Variants in SLC43A2 observed in about 807,000 individuals in gnomAD.
SLC43A2 encodes solute carrier family 43 member 2.
SLC43A2 carries 38 observed loss-of-function variants against 63.2 expected under a neutral mutation model. The observed-to-expected ratio is 0.60, with a 90% CI of 0.46 to 0.79. The LOEUF (loss-of-function observed/expected upper bound fraction) is 0.79. Ranked by LOEUF, SLC43A2 falls within the 30% of genes least tolerant of loss-of-function variation. SLC43A2 has a pLI of 0.00. For synonymous variants in SLC43A2, 322 were observed against 331.0 expected, an observed-to-expected ratio of 0.97 and a Z score of 0.30; for missense variants, 644 against 756.2, an observed-to-expected ratio of 0.85 and a Z score of 1.74.
Position 1,591,767 on chromosome 17 carries a change from G to A in SLC43A2, c.595-68C>T, listed in dbSNP as rs1344835427. 2.3e-5 allele frequency: 29 copies of A among 1,256,538 alleles called. No homozygotes were observed. In the East Asian group the frequency reaches 3.8e-4, roughly 17 times the overall value. The allele number at this position is 1,256,538 out of a possible 1,614,324, so 77.8% of individuals were successfully genotyped here. ...GAGTTAGCCCGGGGAGGCCAGAGCC[G>A]CAGCAGGCAGGGGCGTCTGGCCACC... On this transcript the variant is annotated intron_variant, in intron 6 of 13. Coordinates refer to ENST00000301335, the MANE Select transcript of SLC43A2 (RefSeq NM_152346.3).
intron 11 of SLC43A2, among the ~76,000 whole-genome samples, chr17:1,580,838 C>T (rs1020831576): frequency 1.7e-4 from 26 of 151,514 alleles, no homozygotes; most frequent in East Asian, 3.9e-4. Context: ...TGCAGTGAGC[C>T]GAGATTCTCC....
At chr17:1,595,373 T>C (rs1003860071) in intron 5 of SLC43A2, among the ~76,000 whole-genome samples, 33 of 148,380 alleles carry the variant, frequency 2.2e-4, no homozygotes, top group Admixed American at 7.2e-4. Context: ...AGCCTCCAAC[T>C]TGGCTCAAGT....
chr17:1,580,722 C>A (rs554388076), intron 11 of SLC43A2, among the ~76,000 whole-genome samples: 1 of 133,178 alleles, frequency 7.5e-6, no homozygotes, highest in South Asian at 2.4e-4. Context: ...CCACCAGGCC[C>A]GGCTAATTTT....
rs192526460 is a variant in SLC43A2 at position 1,581,013 on chromosome 17, G to A, written c.1350+2191C>T. Among the ~76,000 whole-genome samples, 640 of 152,178 alleles carry A rather than the reference G, an allele frequency of 4.2e-3. 5 individuals are homozygous for A. Among genetic ancestry groups the A allele is most frequent in the Non-Finnish European group, 4.7e-3 (317 of 67,988 alleles). On this transcript the variant is annotated intron_variant, in intron 11 of 13. Coordinates refer to ENST00000301335, the MANE Select transcript of SLC43A2 (RefSeq NM_152346.3). ...CCTGCCCAGGAAGGCTGCTGCTGGC[G>A]GACTCCGCCAACTCCGAGAGGCACT...
chr17:1,621,387 G>A (rs897216301), intron 2 of SLC43A2, among the ~76,000 whole-genome samples: 5 of 152,090 alleles, frequency 3.3e-5, no homozygotes, highest in African/African-American at 7.2e-5. Context: ...TCCAGGGTGC[G>A]GGCCCCTGGA....
chr17:1,587,071 GCACTGCATTTCCCA>G (rs1567617130), intron 9 of SLC43A2: 14 of 557,738 alleles, frequency 2.5e-5, no homozygotes, highest in South Asian at 2.5e-4. Context: ...TGCCCAGCAC[GCACTGCATTTCCCA>G]CACTGCGTTT....
At position 1,597,329 on chromosome 17, in the gene SLC43A2, C is replaced by A. The variant is rs373900551; in HGVS notation, c.502-4050G>T. ...ACCAGCCTGGCGAACATGGTGAAAC[C>A]CCGTCCCTGCTAAAAAAATGCAAAA... is the stretch of plus-strand genomic sequence containing the variant. On this transcript the variant is annotated intron_variant, in intron 5 of 13. Coordinates refer to ENST00000301335, the MANE Select transcript of SLC43A2 (RefSeq NM_152346.3). Among the ~76,000 whole-genome samples, 22 of 149,564 alleles carry A rather than the reference C, an allele frequency of 1.5e-4. No homozygotes were observed. The East Asian group carries it at 2.6e-3, about 17-fold the overall frequency.
At chr17:1,586,928 T>TGCGCCCCCCC in intron 9 of SLC43A2, 3 of 1,232,906 alleles carry the variant, frequency 2.4e-6, no homozygotes, top group Non-Finnish European at 3.4e-6. Context: ...TCCCTGACAA[T>TGCGCCCCCCC]CCCCCCCACC....
At chr17:1,604,833 G>A in intron 5 of SLC43A2, 2 of 1,535,744 alleles carry the variant, frequency 1.3e-6, no homozygotes, top group South Asian at 1.2e-5. Context: ...AGGTCATCCT[G>A]ACATCTGGGT....
chr17:1,624,032 A>G (rs1567651609), intron 2 of SLC43A2, among the ~76,000 whole-genome samples: 1 of 152,230 alleles, frequency 6.6e-6, no homozygotes, highest in Non-Finnish European at 1.5e-5. Context: ...ACCCCCTGGA[A>G]TTATACGGGT....
chr17:1,613,161 C>T (rs1907283480), intron 5 of SLC43A2, 34 bp downstream of exon 5: 1 of 1,568,246 alleles, frequency 6.4e-7, no homozygotes, highest in African/African-American at 1.4e-5. Context: ...AAACAGATTA[C>T]TGAACTACAG....
chr17:1,573,916 T>G lies in SLC43A2; in HGVS notation c.*1688A>C, dbSNP rs898561602. 1.3e-5 allele frequency: 2 copies of G among 152,194 alleles called. No individual in the cohort carries two copies. The highest frequency in any genetic ancestry group is 4.8e-5 in the African/African-American group (2 of 41,452). The allele number at this position is 152,194 out of a possible 1,614,324, so 9.4% of individuals were successfully genotyped here. A position where few individuals can be genotyped will look rare whatever the true frequency, so the allele number is the denominator to read the frequency against. The stretch of plus-strand genomic sequence containing the variant: ...TATAGGCGTGAGCCACCACGCCCAG[T>G]CTTTTTTTAAATATTTGAGTGAAAT... On this transcript the variant is annotated 3_prime_UTR_variant, in exon 14 of 14. Coordinates refer to ENST00000301335, the MANE Select transcript of SLC43A2 (RefSeq NM_152346.3).
At chr17:1,629,854 C>A (rs1909015339), upstream of SLC43A2, among the ~76,000 whole-genome samples, 1 of 152,202 alleles carries the variant, frequency 6.6e-6, no homozygotes, top group African/African-American at 2.4e-5. Context: ...CCGTCTTCGT[C>A]CCCCGGATTC....
chr17:1,585,051 G>C (rs1448675648), intron 10 of SLC43A2, among the ~76,000 whole-genome samples: 1 of 151,612 alleles, frequency 6.6e-6, no homozygotes, highest in Non-Finnish European at 1.5e-5. Flanking sequence ...TGCAATGAAT[G>C]AAAGTCACCA....
At chr17:1,613,126 C>T in intron 5 of SLC43A2, 69 bp downstream of exon 5, 2 of 1,371,642 alleles carry the variant, frequency 1.5e-6, no homozygotes, top group Non-Finnish European at 2.1e-6. Flanking sequence ...GAAACAGAAA[C>T]CAATCAAAGC....
intron 2 of SLC43A2, among the ~76,000 whole-genome samples, chr17:1,622,119 A>T (rs1325602782): frequency 6.6e-6 from 1 of 152,188 alleles, no homozygotes; most frequent in East Asian, 1.9e-4. Flanking sequence ...AGCCAAGGCC[A>T]CCAGCTCTTC....
chr17:1,579,694 G>A (rs2075983486), intron 11 of SLC43A2, among the ~76,000 whole-genome samples: 1 of 151,660 alleles, frequency 6.6e-6, no homozygotes, highest in African/African-American at 2.4e-5. Flanking sequence ...AAAATTAACT[G>A]GGCTTGGTGG....
At chr17:1,581,202 C>CCACACACACACACACA (rs376885169) in intron 11 of SLC43A2, among the ~76,000 whole-genome samples, 52,528 of 148,266 alleles carry the variant, frequency 0.35, 9,506 homozygotes, top group Middle Eastern at 0.43. Context: ...TGCCCAGTGC[C>CCACACACACACACACA]CACACACACA....
chr17:1,581,335 C>T (rs963453347), intron 11 of SLC43A2, among the ~76,000 whole-genome samples: 9 of 152,222 alleles, frequency 5.9e-5, no homozygotes, highest in Non-Finnish European at 7.3e-5. Flanking sequence ...CACTGCCCCT[C>T]GACTGGACAA....
Sources: allele counts gnomAD v4.1 joint callset (sites outside exome capture counted in the v4.1 genomes callset), GRCh38; gene constraint gnomAD v4.1.1; transcripts MANE v1.5; gene names NCBI Gene and HGNC (gene_info 2026-07-23, HGNC 2026-07-21).